CCDC77: variants seen among roughly 807,000 people sequenced by gnomAD.
The protein encoded by CCDC77 is coiled-coil domain-containing protein 77.
Under a neutral mutation model 66.8 loss-of-function variants are expected in CCDC77, and 56 were observed. The observed-to-expected ratio is 0.84, with a 90% CI of 0.68 to 1.05. CCDC77 has a LOEUF of 1.05. Among genes scored for constraint, CCDC77 ranks in the 50% least tolerant of loss-of-function variants. The probability of loss-of-function intolerance (pLI) is 0.00; values close to 1 mark genes in which losing one functional copy is unlikely to be tolerated. For synonymous variants in CCDC77, 196 were observed against 195.2 expected (o/e 1.00, Z -0.03); for missense variants, 570 against 576.8 (o/e 0.99, Z 0.12).
At chr12:432,043 C>T (rs1033500362) in intron 8 of CCDC77, 89 bp downstream of exon 8, 60 of 751,050 alleles carry the variant, frequency 8.0e-5, no homozygotes, top group Middle Eastern at 7.1e-4. Context: ...TGATAAGTAT[C>T]TCCTTGCACA....
chr12:440,294 AAAG>A (rs903448215), intron 10 of CCDC77, among the ~76,000 whole-genome samples: 14 of 152,230 alleles, frequency 9.2e-5, no homozygotes, highest in African/African-American at 3.4e-4. Context: ...CTTCCTTTTT[AAAG>A]AAGAACTTTA....
intron 2 of CCDC77, among the ~76,000 whole-genome samples, chr12:407,857 G>A (rs997233383): frequency 3.9e-5 from 5 of 128,810 alleles, no homozygotes; most frequent in East Asian, 2.4e-4. Flanking sequence ...GCGCAATCTC[G>A]GCTCACTGCG....
Position 389,562 on chromosome 12 carries a change from G to A in CCDC77, c.-113+76G>A, listed in dbSNP as rs141709699. ...GAGGGAAGCCGACGGGGCGAGGCGGGGCGAGGCGCAACGAGGCGGGGCGAG... is the reference window on the plus strand; with the variant it reads ...GAGGGAAGCCGACGGGGCGAGGCGGAGCGAGGCGCAACGAGGCGGGGCGAG... On this transcript the variant is annotated intron_variant, in intron 1 of 11. Transcript: ENST00000422000. 9 of 259,944 alleles carry A rather than the reference G, an allele frequency of 3.5e-5. No homozygotes were observed. In the South Asian group the frequency reaches 4.3e-4, roughly 12 times the overall value. 16.1% of individuals were successfully genotyped at this position (259,944 alleles called of 1,614,324 possible). A position where few individuals can be genotyped will look rare whatever the true frequency, so the allele number is the denominator to read the frequency against.
At chr12:429,362 A>G (rs1945602677) in intron 6 of CCDC77, among the ~76,000 whole-genome samples, 1 of 151,910 alleles carries the variant, frequency 6.6e-6, no homozygotes. Flanking sequence ...GTCTGTGTAT[A>G]CTATTTCTAT....
In CCDC77 at chr12:416,346, T is replaced by G. The variant is rs1489823316; in HGVS notation, c.271-2148T>G. Among the ~76,000 whole-genome samples the G allele has an allele frequency of 2.0e-3, 67 of 32,968 alleles. 4 individuals are homozygous for G. Among genetic ancestry groups the G allele is most frequent in the African/African-American group, 5.7e-3 (48 of 8,424 alleles). The allele number at this position is 32,968 out of a possible 152,430, so 21.6% of individuals were successfully genotyped here. On this transcript the variant is annotated intron_variant, in intron 4 of 12. Transcript: ENST00000239830. ...GTGTGAGTCTGTGGGTGTGTGGGGGTGTGTGTGTGTGTGTGTGTGTGTGTG... is the reference window on the plus strand; with the variant it reads ...GTGTGAGTCTGTGGGTGTGTGGGGGGGTGTGTGTGTGTGTGTGTGTGTGTG...
chr12:433,273 C>T lies in CCDC77; in HGVS notation c.772C>T (p.Gln258Ter), dbSNP rs754737232. ...EDRRIHLEEI[Q>*]VQHQRNQNKI... ...CAGACGGATTCACCTTGAGGAAATA[C>T]AAGTTCAGCACCAGAGAAATCAGAA... Residue 258 changes from glutamine to a stop codon, truncating the protein, a stop_gained, in exon 9 of 13, where the codon CAA becomes TAA. Transcript: ENST00000239830. LOFTEE classifies it high-confidence loss of function. 6.2e-7 allele frequency: 1 copy of T among 1,613,954 alleles called. No homozygotes were observed. Among genetic ancestry groups the T allele is most frequent in the Non-Finnish European group, 8.5e-7 (1 of 1,179,968 alleles).
At chr12:411,516 C>G (rs1591966470) in intron 3 of CCDC77, among the ~76,000 whole-genome samples, 2 of 151,566 alleles carry the variant, frequency 1.3e-5, no homozygotes, top group African/African-American at 4.9e-5. Context: ...CAGGGTTTCA[C>G]TATATTGCCC....
intron 3 of CCDC77, chr12:409,770 C>G (rs547720103): frequency 3.6e-5 from 6 of 168,564 alleles, no homozygotes; most frequent in African/African-American, 1.2e-4. Context: ...CTGAGGTGGG[C>G]AGGTCACAAG....
intron 5 of CCDC77, 80 bp from the exon 6 acceptor site, chr12:428,689 A>AAT: frequency 1.1e-6 from 1 of 887,458 alleles, no homozygotes; most frequent in Non-Finnish European, 1.7e-6. Flanking sequence ...AAAAAAATAG[A>AAT]AGGGAGATCC....
intron 5 of CCDC77, among the ~76,000 whole-genome samples, chr12:425,020 T>A (rs1945501104): frequency 1.3e-5 from 2 of 150,310 alleles, no homozygotes; most frequent in South Asian, 2.1e-4. Context: ...AACCTCCACC[T>A]CCCAGGCTCA....
chr12:418,786 A>T, intron 5 of CCDC77, 150 bp downstream of exon 5: 2 of 756,746 alleles, frequency 2.6e-6, no homozygotes, highest in South Asian at 3.6e-5. Context: ...TGCAGCCTCC[A>T]CCTCCTGGTT....
intron 9 of CCDC77, among the ~76,000 whole-genome samples, chr12:434,560 C>T (rs1274185938): frequency 6.6e-6 from 1 of 152,144 alleles, no homozygotes; most frequent in Non-Finnish European, 1.5e-5. Context: ...CTGTGTTAGC[C>T]AGGCTGATCT....
intron 5 of CCDC77, among the ~76,000 whole-genome samples, chr12:427,887 G>A (rs1226294480): frequency 6.6e-6 from 1 of 152,124 alleles, no homozygotes; most frequent in African/African-American, 2.4e-5. Context: ...GAATTTTATT[G>A]GGAAGTGAGG....
At chr12:432,823 G>A (rs1404111250) in intron 8 of CCDC77, among the ~76,000 whole-genome samples, 2 of 152,206 alleles carry the variant, frequency 1.3e-5, no homozygotes, top group Non-Finnish European at 2.9e-5. Context: ...GATTGCTGGA[G>A]CCCAAAAGTT....
intron 5 of CCDC77, among the ~76,000 whole-genome samples, chr12:427,731 C>T (rs1945562263): frequency 6.6e-6 from 1 of 152,056 alleles, no homozygotes; most frequent in African/African-American, 2.4e-5. Context: ...CTGCCTCAGC[C>T]CAAAGTGCCG....
rs200832209 is a variant in CCDC77 at position 440,997 on chromosome 12, G to A, written c.1320+1G>A. 245 of 1,609,260 alleles carry A rather than the reference G, an allele frequency of 1.5e-4. No homozygotes were observed. Among genetic ancestry groups the A allele is most frequent in the Non-Finnish European group, 1.9e-4 (228 of 1,179,952 alleles). On this transcript the variant is annotated splice_donor_variant, in intron 12 of 12. Coordinates refer to ENST00000239830, the MANE Select transcript of CCDC77 (RefSeq NM_032358.4). LOFTEE classifies it high-confidence loss of function. ...AGACTTGGAGCAAATGTTGTATAAG[G>A]TAATTGCTGGTCCTGAATTGCCACG...
At chr12:425,931 C>T (rs1396950520) in intron 5 of CCDC77, among the ~76,000 whole-genome samples, 5 of 152,106 alleles carry the variant, frequency 3.3e-5, no homozygotes, top group African/African-American at 9.7e-5. Context: ...GTGGCGTGAT[C>T]GCAGCTCACT....
intron 8 of CCDC77, among the ~76,000 whole-genome samples, chr12:432,471 ATC>A (rs1295355918): frequency 1.3e-5 from 2 of 152,212 alleles, no homozygotes; most frequent in Non-Finnish European, 2.9e-5. Flanking sequence ...TTTGGCCAGT[ATC>A]TCCATGTGGA....
chr12:391,524 G>A (rs188140870), intron 1 of CCDC77, among the ~76,000 whole-genome samples: 10 of 151,914 alleles, frequency 6.6e-5, no homozygotes, highest in African/African-American at 1.9e-4. Context: ...TATATTATTC[G>A]GAAAAAGAAA....
Sources: allele counts gnomAD v4.1 joint callset (sites outside exome capture counted in the v4.1 genomes callset), GRCh38; gene constraint gnomAD v4.1.1; transcripts MANE v1.5; gene names NCBI Gene and HGNC (gene_info 2026-07-23, HGNC 2026-07-21).